The following UBN1 variants were observed in gnomAD, a reference collection of about 807,000 sequenced individuals.
UBN1 encodes the protein ubinuclein-1.
Under a neutral mutation model 108.5 loss-of-function variants are expected in UBN1, and 17 were observed. That is an observed-to-expected ratio of 0.16 (90% CI 0.11 to 0.24). UBN1 has a LOEUF of 0.24. Ranked by LOEUF, UBN1 falls within the 10% of genes least tolerant of loss-of-function variation. The probability of loss-of-function intolerance (pLI) is 1.00; values close to 1 mark genes in which losing one functional copy is unlikely to be tolerated. For synonymous variants in UBN1, 726 were observed against 564.2 expected (o/e 1.29, Z -4.07); for missense variants, 1,595 against 1,394.4 (o/e 1.14, Z -2.29).
rs1298082493 is a variant in UBN1 at position 4,859,945 on chromosome 16, A to G, written c.648A>G (p.Lys216=). The change falls in exon 6 of 18, where the codon AAA becomes AAG. Residue 216 remains lysine (K), a synonymous_variant. Transcript: ENST00000262376. The part of the protein sequence containing the change: ...DDTYDKEKKS[K]KSKFSKAGFT... ...CTTATGACAAGGAGAAGAAATCGAA[A>G]AAGTCCAAGTTTTCCAAAGCCGGGT... The G allele has an allele frequency of 3.7e-6, 6 of 1,614,062 alleles. No homozygotes were observed. The highest frequency in any genetic ancestry group is 5.1e-6 in the Non-Finnish European group (6 of 1,180,022).
chr16:4,873,427 G>C (rs1339631457), intron 14 of UBN1, among the ~76,000 whole-genome samples: 1 of 152,204 alleles, frequency 6.6e-6, no homozygotes. Flanking sequence ...TTAGCTTGGA[G>C]CCACAGCAGA....
chr16:4,879,678 G>A (rs539984270), intron 17 of UBN1, among the ~76,000 whole-genome samples: 48 of 152,360 alleles, frequency 3.2e-4, no homozygotes, highest in Non-Finnish European at 6.2e-4. Context: ...GAGAATGCTA[G>A]TGCCTTTGAA....
At chr16:4,869,779 A>G (rs1414818917) in intron 8 of UBN1, among the ~76,000 whole-genome samples, 1 of 152,170 alleles carries the variant, frequency 6.6e-6, no homozygotes, top group Non-Finnish European at 1.5e-5. Context: ...AGATGGAGAA[A>G]CTGGAGGGGT....
intron 14 of UBN1, 101 bp downstream of exon 14, chr16:4,873,174 C>T (rs1038906106): frequency 5.3e-5 from 80 of 1,507,926 alleles, no homozygotes; most frequent in African/African-American, 3.6e-4. Context: ...GATCTTTGCT[C>T]GTCTGGGGAC....
intron 1 of UBN1, 96 bp from the exon 2 acceptor site, chr16:4,852,783 A>C: frequency 8.0e-7 from 1 of 1,244,050 alleles, no homozygotes; most frequent in Non-Finnish European, 1.1e-6. Flanking sequence ...AGTTTTCTTG[A>C]CAATGAAATT....
chr16:4,852,768 A>G (rs1191870564), intron 1 of UBN1, 111 bp from the exon 2 acceptor site: 8 of 1,148,980 alleles, frequency 7.0e-6, no homozygotes, highest in Non-Finnish European at 9.6e-6. Flanking sequence ...AAAATATAAC[A>G]ATGGAGTTTT....
intron 7 of UBN1, among the ~76,000 whole-genome samples, chr16:4,865,306 A>C (rs1361488416): frequency 6.6e-6 from 1 of 152,208 alleles, no homozygotes. Context: ...CTAAAATTAC[A>C]TAATATTATT....
Position 4,847,494 on chromosome 16 carries a change from T to C in UBN1, c.-756T>C, listed in dbSNP as rs2142078239. On this transcript the variant is annotated 5_prime_UTR_variant, in exon 1 of 18. Coordinates refer to ENST00000262376, the MANE Select transcript of UBN1 (RefSeq NM_001079514.3). ...GCAGAGACTCCCGGCTCCTTCCCCC[T>C]CCCTTCGGCTCGTGACAACGAAGCG... is the stretch of plus-strand genomic sequence containing the variant. The C allele has an allele frequency of 1.8e-6, 1 of 549,442 alleles. No homozygotes were observed. The allele number at this position is 549,442 out of a possible 1,614,324, so 34.0% of individuals were successfully genotyped here.
At chr16:4,878,054 G>A (rs1027979131) in intron 17 of UBN1, among the ~76,000 whole-genome samples, 4 of 152,302 alleles carry the variant, frequency 2.6e-5, no homozygotes, top group African/African-American at 4.8e-5. Context: ...CAGCAGGCAT[G>A]TGGTCGGTGC....
At position 4,874,639 on chromosome 16, in the gene UBN1, T is replaced by A; in HGVS notation, c.2229T>A (p.Ala743=). 6.2e-7 allele frequency: 1 copy of A among 1,614,206 alleles called. No homozygotes were observed. The highest frequency in any genetic ancestry group is 8.5e-7 in the Non-Finnish European group (1 of 1,180,034). Reference sequence around the variant, plus strand: ...CCCTCAATTTTCTGGCAGAACAGGCTCTGGCACTGGGGCAGTCCTCTCAGG... The same window carrying A: ...CCCTCAATTTTCTGGCAGAACAGGCACTGGCACTGGGGCAGTCCTCTCAGG... ...QSPLNFLAEQ[A]LALGQSSQEK... is the part of the protein sequence containing the mutation. Residue 743 remains alanine, a synonymous_variant, in exon 15 of 18, where the codon GCT becomes GCA. Transcript: ENST00000262376.
Position 4,847,602 on chromosome 16 carries a change from C to T in UBN1, c.-648C>T. 1 of 342,168 alleles carries T rather than the reference C, an allele frequency of 2.9e-6. No individual in the cohort carries two copies. 21.2% of individuals were successfully genotyped at this position (342,168 alleles called of 1,614,324 possible). A position where few individuals can be genotyped will look rare whatever the true frequency, so the allele number is the denominator to read the frequency against. On this transcript the variant is annotated 5_prime_UTR_variant, in exon 1 of 18. Coordinates refer to ENST00000262376, the MANE Select transcript of UBN1 (RefSeq NM_001079514.3). ...GCCGGCCTCGCGGCTCGCCCCGCCC[C>T]CGGGTCTTGGACTCCGCGCCCCTCC...
rs879624873 is a variant in UBN1 at position 4,847,531 on chromosome 16, A to AGGCGGC, written c.-708_-703dup. 8.5e-4 allele frequency: 405 copies of AGGCGGC among 475,482 alleles called. 2 individuals carry two copies. The highest frequency in any genetic ancestry group is 4.4e-3 in the Middle Eastern group (8 of 1,800). 29.5% of individuals were successfully genotyped at this position (475,482 alleles called of 1,614,324 possible). ...GTGACAACGAAGCGCCCGCGGTCTG[A>AGGCGGC]GGCGGCGGCGGCGGCGACGGTGCGA... is the stretch of plus-strand genomic sequence containing the variant. On this transcript the variant is annotated 5_prime_UTR_variant, in exon 1 of 18. Coordinates refer to ENST00000262376, the MANE Select transcript of UBN1 (RefSeq NM_001079514.3).
rs1350663082 is a variant in UBN1 at position 4,871,201 on chromosome 16, C to G, written c.1606C>G (p.Leu536Val). ...GAAGATCAAACTGGAGAGCCAGGACCTGGAGAGGAACAACAAAGCCCAGGC... is the reference window on the plus strand; with the variant it reads ...GAAGATCAAACTGGAGAGCCAGGACGTGGAGAGGAACAACAAAGCCCAGGC... ...VVKIKLESQDLERNNKAQAWE... is the reference protein window; with the variant it reads ...VVKIKLESQDVERNNKAQAWE... Residue 536 changes from leucine (L) to valine (V), a missense_variant, in exon 12 of 18, where the codon CTG becomes GTG. Transcript: ENST00000262376. 6.2e-7 allele frequency: 1 copy of G among 1,614,098 alleles called. No homozygotes were observed. Among genetic ancestry groups the G allele is most frequent in the African/African-American group, 1.3e-5 (1 of 74,930 alleles).
intron 7 of UBN1, among the ~76,000 whole-genome samples, chr16:4,867,314 G>C (rs1381939393): frequency 2.0e-5 from 3 of 152,192 alleles, no homozygotes; most frequent in Non-Finnish European, 2.9e-5. Flanking sequence ...AACAACACAG[G>C]GTTTAACTGC....
At chr16:4,863,380 G>A (rs1240045213) in intron 7 of UBN1, among the ~76,000 whole-genome samples, 6 of 152,130 alleles carry the variant, frequency 3.9e-5, no homozygotes, top group Admixed American at 3.9e-4. Context: ...TGATCCCACT[G>A]AGAATCTGCT....
chr16:4,857,677 C>T (rs904117040), intron 2 of UBN1, among the ~76,000 whole-genome samples: 1 of 152,116 alleles, frequency 6.6e-6, no homozygotes, highest in African/African-American at 2.4e-5. Flanking sequence ...AAAGGAAGTC[C>T]ACTTTATTGA....
chr16:4,850,157 C>A (rs1473267976), intron 1 of UBN1, among the ~76,000 whole-genome samples: 1 of 152,050 alleles, frequency 6.6e-6, no homozygotes, highest in Non-Finnish European at 1.5e-5. Flanking sequence ...TTTCAAATGG[C>A]TTAGTAACAG....
At chr16:4,866,294 G>A (rs976562974) in intron 7 of UBN1, among the ~76,000 whole-genome samples, 6 of 152,160 alleles carry the variant, frequency 3.9e-5, no homozygotes, top group African/African-American at 1.4e-4. Flanking sequence ...ACCCCTCTGG[G>A]CTTTCACCTA....
chr16:4,873,960 G>C (rs182894746), intron 14 of UBN1, among the ~76,000 whole-genome samples: 1 of 152,330 alleles, frequency 6.6e-6, no homozygotes, highest in East Asian at 1.9e-4. Context: ...CTGGCGGCTT[G>C]TTTGTACTTA....
Sources: allele counts gnomAD v4.1 joint callset (sites outside exome capture counted in the v4.1 genomes callset), GRCh38; gene constraint gnomAD v4.1.1; transcripts MANE v1.5; gene names NCBI Gene and HGNC (gene_info 2026-07-23, HGNC 2026-07-21).